FBN2: variants seen among roughly 807,000 people sequenced by gnomAD.
FBN2 encodes the protein fibrillin-2.
In FBN2, 105 loss-of-function variants were observed where a neutral mutation model predicts 355.6. The observed-to-expected ratio is 0.30, with a 90% confidence interval of 0.25 to 0.35. FBN2 has a LOEUF of 0.35. Ranked by LOEUF, FBN2 falls within the 10% of genes least tolerant of loss-of-function variation. The probability of loss-of-function intolerance (pLI) is 1.00; values close to 1 mark genes in which losing one functional copy is unlikely to be tolerated. For synonymous variants in FBN2, 1,350 were observed against 1,301.2 expected (o/e 1.04, Z -0.81); for missense variants, 3,280 against 3,758.7 (o/e 0.87, Z 3.33).
chr5:128,435,725 T>A lies in FBN2; in HGVS notation c.952+10756A>T, dbSNP rs3805657. Among the ~76,000 whole-genome samples the A allele has an allele frequency of 2.0e-5, 3 of 152,178 alleles. No homozygotes were observed. The East Asian group carries it at 5.8e-4, about 29-fold the overall frequency. On this transcript the variant is annotated intron_variant, in intron 7 of 64. Coordinates refer to ENST00000262464, the MANE Select transcript of FBN2 (RefSeq NM_001999.4). ...TTCTCTATAATTTTCCTCTTGTTAC[T>A]GGGATAAATATGTTTGAAAATAAAA...
chr5:128,360,402 T>A (rs908716046), intron 19 of FBN2, among the ~76,000 whole-genome samples: 10 of 152,108 alleles, frequency 6.6e-5, no homozygotes, highest in African/African-American at 2.2e-4. Flanking sequence ...CTCTTAAGTG[T>A]GTCCCCTTCT....
At chr5:128,413,354 G>T (rs955025603) in intron 7 of FBN2, among the ~76,000 whole-genome samples, 1 of 152,114 alleles carries the variant, frequency 6.6e-6, no homozygotes, top group South Asian at 2.1e-4. Flanking sequence ...GGGAAGGAAG[G>T]ATCATGGAGG....
chr5:128,367,808 T>C (rs778584029), intron 16 of FBN2, among the ~76,000 whole-genome samples: 10 of 152,124 alleles, frequency 6.6e-5, no homozygotes, highest in Non-Finnish European at 1.5e-4. Context: ...TTTGAACTTA[T>C]TTGATAATAT....
chr5:128,398,023 A>G (rs1752695206), intron 8 of FBN2, among the ~76,000 whole-genome samples: 1 of 152,180 alleles, frequency 6.6e-6, no homozygotes, highest in Non-Finnish European at 1.5e-5. Context: ...GAAAAAAAAA[A>G]GATCTCTCTT....
intron 45 of FBN2, among the ~76,000 whole-genome samples, chr5:128,304,720 T>G (rs1749819003): frequency 6.6e-6 from 1 of 152,164 alleles, no homozygotes; most frequent in South Asian, 2.1e-4. Context: ...AAGCTGTGAA[T>G]CACTGAACTG....
Position 128,345,413 on chromosome 5 carries a change from C to T in FBN2, c.3161G>A (p.Arg1054His), listed in dbSNP as rs753760095. 2.2e-5 allele frequency: 36 copies of T among 1,614,034 alleles called. No homozygotes were observed. The highest frequency in any genetic ancestry group is 4.0e-5 in the African/African-American group (3 of 74,902). The stretch of plus-strand genomic sequence containing the variant: ...CCCTCGGTTAGCAAAGCCAGCCCCG[C>T]GGGGGCACAGCGTCTCGTATTCCTT... The part of the protein sequence containing the change: ...GTKEYETLCP[R>H]GAGFANRGDV... The change falls in exon 24 of 65, where the codon CGC becomes CAC. Residue 1054 changes from arginine (R) to histidine (H), a missense_variant. By Grantham distance (29) the Arg-to-His change is conservative. This residue lies in a region of FBN2 where 2,284 missense variants were observed against 2,749.5 expected (regional missense o/e 0.83). Coordinates refer to ENST00000262464, the MANE Select transcript of FBN2 (RefSeq NM_001999.4).
intron 5 of FBN2, among the ~76,000 whole-genome samples, chr5:128,465,281 T>C (rs1754679738): frequency 6.6e-6 from 1 of 152,154 alleles, no homozygotes; most frequent in African/African-American, 2.4e-5. Context: ...AAATTGGAAG[T>C]TCTGGTCATG....
chr5:128,350,088 C>A, intron 21 of FBN2, 83 bp from the exon 22 acceptor site: 1 of 1,133,102 alleles, frequency 8.8e-7, no homozygotes, highest in Non-Finnish European at 1.3e-6. Context: ...ATAATGAAAT[C>A]TAAATGGAAC....
At chr5:128,274,714 C>G (rs370012811) in intron 59 of FBN2, 31 bp from the exon 60 acceptor site, 2 of 1,254,466 alleles carry the variant, frequency 1.6e-6, no homozygotes, top group Non-Finnish European at 2.3e-6. Context: ...GTGAAAATCA[C>G]AGTAGACTAT....
chr5:128,367,780 T>C (rs1435609867), intron 16 of FBN2, among the ~76,000 whole-genome samples: 1 of 152,160 alleles, frequency 6.6e-6, no homozygotes, highest in Non-Finnish European at 1.5e-5. Flanking sequence ...TAGGTTTTTG[T>C]CTAGTCTTAT....
chr5:128,437,485 A>G (rs1753798415), intron 7 of FBN2, among the ~76,000 whole-genome samples: 1 of 152,184 alleles, frequency 6.6e-6, no homozygotes, highest in African/African-American at 2.4e-5. Flanking sequence ...AAAATTAACA[A>G]GAAAATGTGA....
In FBN2 at chr5:128,514,027, T is replaced by C. The variant is rs1191157239; in HGVS notation, c.628+5246A>G. The stretch of plus-strand genomic sequence containing the variant: ...TAACGGCCTCACAAGTGCAGAAATG[T>C]GTGTGTGTGTGTGTGTGTGCCTGAG... On this transcript the variant is annotated intron_variant, in intron 5 of 64. Coordinates refer to ENST00000262464, the MANE Select transcript of FBN2 (RefSeq NM_001999.4). 4.7e-5 allele frequency among the ~76,000 whole-genome samples: 7 copies of C among 150,386 alleles called. No homozygotes were observed. In the East Asian group the frequency reaches 1.4e-3, roughly 29 times the overall value.
At chr5:128,463,632 C>A (rs72785144) in intron 6 of FBN2, among the ~76,000 whole-genome samples, 8,743 of 152,198 alleles carry the variant, frequency 0.057, 335 homozygotes, top group South Asian at 0.087. Context: ...TTATGCAGAA[C>A]ACTCACATTT....
chr5:128,270,793 C>CT (rs1765250908), intron 62 of FBN2, among the ~76,000 whole-genome samples: 1 of 151,960 alleles, frequency 6.6e-6, no homozygotes, highest in East Asian at 1.9e-4. Context: ...GTGCCATACA[C>CT]TTTGCCTTTG....
At chr5:128,414,642 A>G (rs925118988) in intron 7 of FBN2, among the ~76,000 whole-genome samples, 1 of 152,158 alleles carries the variant, frequency 6.6e-6, no homozygotes, top group African/African-American at 2.4e-5. Flanking sequence ...TCTTAGATAT[A>G]CACCTAGAAG....
At chr5:128,514,747 G>A (rs1329447163) in intron 5 of FBN2, among the ~76,000 whole-genome samples, 2 of 152,038 alleles carry the variant, frequency 1.3e-5, no homozygotes, top group African/African-American at 4.8e-5. Context: ...AGACATTAAC[G>A]GTAATTAATC....
chr5:128,458,946 A>G (rs769865672), intron 6 of FBN2, among the ~76,000 whole-genome samples: 19 of 152,100 alleles, frequency 1.2e-4, no homozygotes, highest in Non-Finnish European at 2.5e-4. Context: ...AATACCTAAG[A>G]TCAGAGAAGA....
intron 7 of FBN2, among the ~76,000 whole-genome samples, chr5:128,441,704 G>T (rs11741832): frequency 6.6e-6 from 1 of 152,076 alleles, no homozygotes; most frequent in Non-Finnish European, 1.5e-5. Context: ...TGGTAAGTGA[G>T]GAATAAATTA....
At chr5:128,489,136 A>AT (rs11424159) in intron 5 of FBN2, among the ~76,000 whole-genome samples, 75,229 of 151,590 alleles carry the variant, frequency 0.5, 21,909 homozygotes, top group African/African-American at 0.82. Flanking sequence ...AAGTGTTCCT[A>AT]TTCTCCACAT....
Sources: gnomAD v4.1 joint callset for allele counts (sites outside exome capture counted in the v4.1 genomes callset) on GRCh38, gnomAD v4.1.1 for gene constraint, gnomAD v4.1.1 regional missense constraint, MANE v1.5 for transcripts, NCBI Gene and HGNC (gene_info 2026-07-23, HGNC 2026-07-21) for gene names.